Variants in TPTE2 observed in about 807,000 individuals in gnomAD.
The protein encoded by TPTE2 is phosphatidylinositol 3,4,5-trisphosphate 3-phosphatase TPTE2.
A neutral mutation model predicts 78.6 loss-of-function variants in TPTE2; 53 were observed. The observed-to-expected ratio is 0.67, with a 90% confidence interval of 0.54 to 0.85. The LOEUF is 0.85. Among genes scored for constraint, TPTE2 ranks in the 40% least tolerant of loss-of-function variants. TPTE2 has a pLI of 0.00. For synonymous variants in TPTE2, 175 were observed against 206.2 expected, an observed-to-expected ratio of 0.85 and a Z score of 1.30; for missense variants, 461 against 623.0, an observed-to-expected ratio of 0.74 and a Z score of 2.77.
chr13:19,553,486 C>A, the TPTE2 span, among the ~76,000 whole-genome samples: 5 of 151,976 alleles, frequency 3.3e-5, no homozygotes, highest in African/African-American at 1.2e-4. Flanking sequence ...GATTTGTACA[C>A]AAAAGTTAAT....
chr13:19,463,094 GT>G (rs1566050925), intron 10 of TPTE2, among the ~76,000 whole-genome samples: 4 of 150,944 alleles, frequency 2.6e-5, no homozygotes, highest in Admixed American at 2.0e-4. Flanking sequence ...AGCAATTCTC[GT>G]GTCTCAGCCT....
At chr13:19,454,011 A>G (rs1017139507) in intron 10 of TPTE2, among the ~76,000 whole-genome samples, 2 of 152,154 alleles carry the variant, frequency 1.3e-5, no homozygotes, top group African/African-American at 4.8e-5. Context: ...ATCTTAGTAC[A>G]TTCCTTGATT....
chr13:19,482,664 A>G lies in TPTE2; in HGVS notation c.120-117T>C, dbSNP rs537609606. 6 of 1,307,742 alleles carry G rather than the reference A, an allele frequency of 4.6e-6. No individual in the cohort carries two copies. In the South Asian group the frequency reaches 7.6e-5, roughly 16 times the overall value. The allele number at this position is 1,307,742 out of a possible 1,614,324, so 81.0% of individuals were successfully genotyped here. On this transcript the variant is annotated intron_variant, in intron 3 of 19. Transcript: ENST00000400230. ...CATGAATCTAAAGGATATAGTAAAC[A>G]TGACTTAGCTCACTGGAAGACCTAA...
chr13:19,488,612 T>C (rs534300459), intron 3 of TPTE2, among the ~76,000 whole-genome samples: 1 of 152,376 alleles, frequency 6.6e-6, no homozygotes, highest in East Asian at 1.9e-4. Context: ...CAAGCTTTTC[T>C]TCTGCAGCTT....
intron 13 of TPTE2, among the ~76,000 whole-genome samples, chr13:19,443,863 A>G (rs2137513248): frequency 6.6e-6 from 1 of 152,134 alleles, no homozygotes; most frequent in Non-Finnish European, 1.5e-5. Flanking sequence ...GCCACTTCTA[A>G]TTCTACACTG....
chr13:19,490,353 T>C (rs1382544713), intron 3 of TPTE2, among the ~76,000 whole-genome samples: 2 of 152,216 alleles, frequency 1.3e-5, no homozygotes, highest in Non-Finnish European at 2.9e-5. Flanking sequence ...CAATAATTAT[T>C]CTACAATTTA....
intron 10 of TPTE2, among the ~76,000 whole-genome samples, chr13:19,453,965 G>A (rs372954568): frequency 6.6e-6 from 1 of 152,074 alleles, no homozygotes; most frequent in Admixed American, 6.6e-5. Flanking sequence ...TCCACCTTTG[G>A]GTTTTCCTAA....
intron 1 of TPTE2, among the ~76,000 whole-genome samples, chr13:19,534,710 T>C (rs1226380239): frequency 6.6e-6 from 1 of 152,156 alleles, no homozygotes; most frequent in Non-Finnish European, 1.5e-5. Flanking sequence ...CAGGATTGCT[T>C]TAGCTCCTTA....
At chr13:19,457,015 C>T (rs1878579086) in intron 10 of TPTE2, among the ~76,000 whole-genome samples, 1 of 152,128 alleles carries the variant, frequency 6.6e-6, no homozygotes, top group African/African-American at 2.4e-5. Flanking sequence ...AGAAACAGAC[C>T]TATACGTATA....
In TPTE2 at chr13:19,486,156, G is replaced by T. The variant is rs1880650280; in HGVS notation, c.120-3609C>A. 2.0e-5 allele frequency among the ~76,000 whole-genome samples: 3 copies of T among 152,032 alleles called. No individual in the cohort carries two copies. Among genetic ancestry groups the T allele is most frequent in the Non-Finnish European group, 4.4e-5 (3 of 68,014 alleles). ...CACCTTTTCCAATTTTATGGAGTAG[G>T]TTTACTTGTATGAATTTATTTCTAT... On this transcript the variant is annotated intron_variant, in intron 3 of 19. Transcript: ENST00000400230. The surrounding 1 kb of genome is among the most constrained non-coding windows in gnomAD (Gnocchi z 4.3).
chr13:19,540,026 C>T (rs2137765563), upstream of TPTE2, among the ~76,000 whole-genome samples: 1 of 152,182 alleles, frequency 6.6e-6, no homozygotes, highest in East Asian at 1.9e-4. Context: ...TACCTGTAAT[C>T]CCAGCTACTC....
At chr13:19,433,270 G>C (rs976878137) in intron 15 of TPTE2, among the ~76,000 whole-genome samples, 9 of 152,092 alleles carry the variant, frequency 5.9e-5, no homozygotes, top group African/African-American at 2.2e-4. Flanking sequence ...TTGGGAGGCC[G>C]AGGTGGGCAG....
intron 13 of TPTE2, among the ~76,000 whole-genome samples, chr13:19,448,336 A>C (rs1171691635): frequency 6.6e-6 from 1 of 152,242 alleles, no homozygotes; most frequent in Non-Finnish European, 1.5e-5. Flanking sequence ...ATACTGTATC[A>C]AACTAAAACA....
intron 3 of TPTE2, among the ~76,000 whole-genome samples, chr13:19,484,484 G>C (rs541610139): frequency 2.6e-5 from 4 of 152,188 alleles, no homozygotes; most frequent in Non-Finnish European, 5.9e-5. Context: ...ATGTCCATTT[G>C]GTCTATGGTG....
At chr13:19,527,386 C>T (rs1274991231) in intron 1 of TPTE2, among the ~76,000 whole-genome samples, 2 of 152,172 alleles carry the variant, frequency 1.3e-5, no homozygotes, top group Non-Finnish European at 1.5e-5. Context: ...TTGGTCATTA[C>T]ACATTCTATG....
chr13:19,561,209 C>T, the TPTE2 span: 17 of 1,470,672 alleles, frequency 1.2e-5, 2 homozygotes, highest in East Asian at 4.6e-5. Flanking sequence ...CAGGCCTGGC[C>T]GGCTCTGCCA....
chr13:19,516,367 G>C (rs1380762370), intron 1 of TPTE2, among the ~76,000 whole-genome samples: 1 of 152,160 alleles, frequency 6.6e-6, no homozygotes, highest in African/African-American at 2.4e-5. Context: ...TAATGTTTCA[G>C]AGGCCAAAAT....
chr13:19,523,934 G>T (rs1009877343), intron 1 of TPTE2, among the ~76,000 whole-genome samples: 1 of 152,198 alleles, frequency 6.6e-6, no homozygotes. Flanking sequence ...CTAGAGCTTT[G>T]TTAGTTAACA....
intron 16 of TPTE2, among the ~76,000 whole-genome samples, chr13:19,431,127 C>CAAAA: frequency 1.2e-5 from 1 of 85,478 alleles, no homozygotes; most frequent in Non-Finnish European, 2.4e-5. Flanking sequence ...ACTCTGTCTC[C>CAAAA]AAAAAAAAAA....
Sources: gnomAD v4.1 joint callset for allele counts (sites outside exome capture counted in the v4.1 genomes callset) on GRCh38, gnomAD v4.1.1 for gene constraint, Gnocchi (gnomAD v3.1) non-coding constraint, MANE v1.5 for transcripts, NCBI Gene and HGNC (gene_info 2026-07-23, HGNC 2026-07-21) for gene names.